GRID2: variants seen among roughly 807,000 people sequenced by gnomAD.
GRID2 encodes the protein glutamate receptor ionotropic, delta-2.
Under a neutral mutation model 114.8 loss-of-function variants are expected in GRID2, and 33 were observed. The ratio of observed to expected loss-of-function variants is 0.29; its 90% confidence interval spans 0.22 to 0.38. The LOEUF is 0.38. GRID2 is among the 10% of genes least tolerant of loss of function. The pLI, the probability that GRID2 is intolerant of heterozygous loss-of-function variation, is 1.00. For synonymous variants in GRID2, 505 were observed against 449.9 expected, an observed-to-expected ratio of 1.12 and a Z score of -1.55; for missense variants, 1,184 against 1,257.7, an observed-to-expected ratio of 0.94 and a Z score of 0.89.
intron 14 of GRID2, among the ~76,000 whole-genome samples, chr4:93,672,926 T>C (rs887337829): frequency 2.0e-5 from 3 of 152,216 alleles, no homozygotes; most frequent in East Asian, 1.9e-4. Context: ...GGAGATTACA[T>C]AGTTTAAGCT....
chr4:92,941,827 C>T (rs144948624), intron 2 of GRID2, among the ~76,000 whole-genome samples: 6 of 152,194 alleles, frequency 3.9e-5, no homozygotes. Context: ...TTTTTGTGTA[C>T]CCAGTAGTCA....
At chr4:92,914,311 A>T (rs1466474490) in intron 2 of GRID2, among the ~76,000 whole-genome samples, 2 of 152,154 alleles carry the variant, frequency 1.3e-5, no homozygotes, top group Non-Finnish European at 2.9e-5. Flanking sequence ...CTATATGCAG[A>T]CTTTATAAAA....
chr4:93,134,736 T>G (rs911609208), intron 4 of GRID2, among the ~76,000 whole-genome samples: 1 of 152,156 alleles, frequency 6.6e-6, no homozygotes, highest in Non-Finnish European at 1.5e-5. Flanking sequence ...AATGATAATA[T>G]TGAATCAGGA....
Position 92,587,098 on chromosome 4 carries a change from C to CTGTGTGTGTGTG in GRID2, c.89-3001_89-2990dup, listed in dbSNP as rs70942914. On this transcript the variant is annotated intron_variant, in intron 1 of 15. Coordinates refer to ENST00000282020, the MANE Select transcript of GRID2 (RefSeq NM_001510.4). ...ATATATAGAGAGTACTGATGAAATG[C>CTGTGTGTGTGTG]TGTGTGTGTGTGTGTGTGTGTGTGT... 2.1e-3 allele frequency among the ~76,000 whole-genome samples: 283 copies of CTGTGTGTGTGTG among 133,840 alleles called. 2 individuals carry two copies. The highest frequency in any genetic ancestry group is 7.6e-3 in the Middle Eastern group (2 of 262). 87.8% of individuals were successfully genotyped at this position (133,840 alleles called of 152,430 possible). A position where few individuals can be genotyped will look rare whatever the true frequency, so the allele number is the denominator to read the frequency against.
At chr4:93,021,159 A>G (rs1357264455) in intron 2 of GRID2, among the ~76,000 whole-genome samples, 2 of 152,046 alleles carry the variant, frequency 1.3e-5, no homozygotes, top group Non-Finnish European at 2.9e-5. Flanking sequence ...TGGAAATTTT[A>G]CATATAAAAT....
At chr4:93,173,419 G>A (rs1276709834) in intron 4 of GRID2, among the ~76,000 whole-genome samples, 1 of 152,054 alleles carries the variant, frequency 6.6e-6, no homozygotes, top group African/African-American at 2.4e-5. Flanking sequence ...GGACAGGAAG[G>A]AAGGAAGGAA....
At chr4:93,723,043 T>C (rs1729527363) in intron 14 of GRID2, among the ~76,000 whole-genome samples, 1 of 152,214 alleles carries the variant, frequency 6.6e-6, no homozygotes, top group Non-Finnish European at 1.5e-5. Context: ...TTTATGATTT[T>C]CTCTTTGTCT....
intron 8 of GRID2, among the ~76,000 whole-genome samples, chr4:93,354,539 A>G (rs1300943338): frequency 6.6e-6 from 1 of 151,860 alleles, no homozygotes; most frequent in African/African-American, 2.4e-5. Context: ...CAATCCCTGT[A>G]TCACCATTAT....
intron 8 of GRID2, among the ~76,000 whole-genome samples, chr4:93,262,477 T>C (rs1174213864): frequency 6.6e-6 from 1 of 151,968 alleles, no homozygotes; most frequent in Non-Finnish European, 1.5e-5. Flanking sequence ...GAAGAAAACA[T>C]AAAATATGAA....
chr4:92,943,997 G>C (rs973596103), intron 2 of GRID2, among the ~76,000 whole-genome samples: 5 of 152,136 alleles, frequency 3.3e-5, no homozygotes, highest in African/African-American at 9.7e-5. Flanking sequence ...TGCCCCTACT[G>C]GGGGGTGCCT....
intron 14 of GRID2, among the ~76,000 whole-genome samples, chr4:93,678,451 G>A (rs1725145659): frequency 6.6e-6 from 1 of 150,938 alleles, no homozygotes; most frequent in African/African-American, 2.4e-5. Flanking sequence ...TCCTCGAGAA[G>A]AGCAACTCCA....
intron 7 of GRID2, among the ~76,000 whole-genome samples, chr4:93,235,697 T>A (rs1156916367): frequency 6.6e-6 from 1 of 152,098 alleles, no homozygotes; most frequent in African/African-American, 2.4e-5. Flanking sequence ...ATAAGGAAGA[T>A]AAATCACAAA....
At chr4:93,414,615 C>G (rs1032845365) in intron 9 of GRID2, among the ~76,000 whole-genome samples, 2 of 151,438 alleles carry the variant, frequency 1.3e-5, no homozygotes, top group Admixed American at 1.3e-4. Flanking sequence ...ACAATCATTT[C>G]TCACATATGC....
chr4:93,352,035 T>G (rs1213571413), intron 8 of GRID2, among the ~76,000 whole-genome samples: 1 of 152,008 alleles, frequency 6.6e-6, no homozygotes, highest in Non-Finnish European at 1.5e-5. Flanking sequence ...TATCATCATT[T>G]TACAGAAAAT....
chr4:93,752,359 C>A (rs1253600407), intron 14 of GRID2, among the ~76,000 whole-genome samples: 1 of 98,544 alleles, frequency 1.0e-5, no homozygotes, highest in Non-Finnish European at 2.2e-5. Context: ...TCATACTGTT[C>A]TTTTATTTAT....
At chr4:93,680,262 A>G (rs1196033802) in intron 14 of GRID2, among the ~76,000 whole-genome samples, 34 of 152,198 alleles carry the variant, frequency 2.2e-4, no homozygotes, top group Non-Finnish European at 3.8e-4. Context: ...CCAGTAACAG[A>G]ATCTGAAATT....
At chr4:93,443,206 C>T (rs746297031) in intron 10 of GRID2, among the ~76,000 whole-genome samples, 16 of 151,860 alleles carry the variant, frequency 1.1e-4, no homozygotes, top group Admixed American at 2.0e-4. Context: ...AATGTCAGAT[C>T]GTATTACACT....
At chr4:92,801,953 A>G (rs921444948) in intron 2 of GRID2, among the ~76,000 whole-genome samples, 1 of 151,902 alleles carries the variant, frequency 6.6e-6, no homozygotes, top group Admixed American at 6.6e-5. Flanking sequence ...TCTGGTGGCC[A>G]TGACCACACA....
intron 1 of GRID2, among the ~76,000 whole-genome samples, chr4:92,423,101 G>T (rs1731983577): frequency 6.6e-6 from 1 of 152,058 alleles, no homozygotes; most frequent in Non-Finnish European, 1.5e-5. Flanking sequence ...GTAGATTCTA[G>T]CGAGCCAACG....
Sources: allele counts gnomAD v4.1 joint callset (sites outside exome capture counted in the v4.1 genomes callset), GRCh38; gene constraint gnomAD v4.1.1; transcripts MANE v1.5; gene names NCBI Gene and HGNC (gene_info 2026-07-23, HGNC 2026-07-21).